Variants in DNAH7 observed in about 807,000 individuals in gnomAD.
The protein encoded by DNAH7 is dynein axonemal heavy chain 7.
In DNAH7, 397 loss-of-function variants were observed where a neutral mutation model predicts 444.6. That is an observed-to-expected ratio of 0.89 (90% CI 0.82 to 0.97). DNAH7 has a LOEUF of 0.97. Ranked by LOEUF, DNAH7 falls within the 50% of genes least tolerant of loss-of-function variation. The probability of loss-of-function intolerance (pLI) is 0.00; values close to 1 mark genes in which losing one functional copy is unlikely to be tolerated. For missense variants in DNAH7, 4,902 were observed against 4,800.8 expected (o/e 1.02, Z -0.62); for synonymous variants, 1,636 against 1,624.4 (o/e 1.01, Z -0.17).
chr2:195,937,174 A>G (rs1689112175), intron 19 of DNAH7, among the ~76,000 whole-genome samples: 2 of 152,212 alleles, frequency 1.3e-5, no homozygotes, highest in Admixed American at 6.5e-5. Flanking sequence ...AGTCATCATT[A>G]TAATTATTAT....
Position 195,960,521 on chromosome 2 carries a change from A to G in DNAH7, c.2630T>C (p.Leu877Ser), listed in dbSNP as rs753240728. The G allele has an allele frequency of 3.7e-6, 6 of 1,614,080 alleles. No homozygotes were observed. In the South Asian group the frequency reaches 4.4e-5, roughly 12 times the overall value. Residue 877 changes from leucine to serine, a missense_variant, in exon 18 of 65, where the codon TTA (leucine) becomes TCA (serine). Leu to Ser is a moderately radical substitution (Grantham distance 145). Coordinates refer to ENST00000312428, the MANE Select transcript of DNAH7 (RefSeq NM_018897.3). ...PSDDSTVSSF[L>S]DMNLEPYIDR... ...TATATATGGTTCCAGATTCATGTCT[A>G]AAAAAGAGGAGACTGTGGAGTCATC...
rs781426563 is a variant in DNAH7 at position 195,895,084 on chromosome 2, A to C, written c.4788T>G (p.Tyr1596Ter). ...AACCATGACGCACAATCATCATTTC[A>C]TATACTTGAAGAATCTTCTCGGAAA... is the stretch of plus-strand genomic sequence containing the variant. ...AFFSEKILQVYEMMIVRHGFM... is the reference protein window; with the variant it reads ...AFFSEKILQV Residue 1596 changes from tyrosine (Y) to a stop codon, truncating the protein, a stop_gained, in exon 30 of 65, where the codon TAT becomes TAG. Transcript: ENST00000312428. LOFTEE classifies it high-confidence loss of function. The C allele has an allele frequency of 3.7e-6, 6 of 1,613,520 alleles. 1 individual carries two copies. The South Asian group carries it at 6.6e-5, about 18-fold the overall frequency.
chr2:195,888,500 T>A, intron 32 of DNAH7, 66 bp from the exon 33 acceptor site: 3 of 1,461,420 alleles, frequency 2.1e-6, no homozygotes, highest in South Asian at 2.7e-5. Flanking sequence ...ATTTGGCACC[T>A]CTGTTTTTTT....
chr2:196,022,360 T>C (rs964424101), intron 8 of DNAH7, among the ~76,000 whole-genome samples: 15 of 152,218 alleles, frequency 9.9e-5, no homozygotes, highest in African/African-American at 3.6e-4. Flanking sequence ...TGCTATTCGA[T>C]AGCACTGTAC....
At chr2:195,807,692 A>G (rs137893248) in intron 53 of DNAH7, among the ~76,000 whole-genome samples, 198 of 152,298 alleles carry the variant, frequency 1.3e-3, no homozygotes, top group African/African-American at 4.7e-3. Context: ...AGAAGGGGTA[A>G]ACCTTGGTGG....
chr2:195,885,837 G>A (rs73987116), intron 34 of DNAH7, among the ~76,000 whole-genome samples: 1 of 152,070 alleles, frequency 6.6e-6, no homozygotes, highest in Non-Finnish European at 1.5e-5. Context: ...TGCCAAAATG[G>A]TCACTGACAT....
intron 34 of DNAH7, among the ~76,000 whole-genome samples, 173 bp from the exon 35 acceptor site, chr2:195,884,982 A>G (rs1701625951): frequency 6.6e-6 from 1 of 152,248 alleles, no homozygotes; most frequent in Non-Finnish European, 1.5e-5. Flanking sequence ...TAAAAATCAA[A>G]TCGCATGCTT....
At chr2:195,824,477 TTTTAAATATTGAC>T in intron 48 of DNAH7, 32 bp from the exon 49 acceptor site, 1 of 1,537,238 alleles carries the variant, frequency 6.5e-7, no homozygotes, top group Non-Finnish European at 8.8e-7. Flanking sequence ...TTTCATGTTA[TTTTAAATATTGAC>T]TATAAATATT....
intron 47 of DNAH7, 86 bp from the exon 48 acceptor site, chr2:195,834,446 T>TA: frequency 2.2e-6 from 3 of 1,377,812 alleles, no homozygotes; most frequent in Middle Eastern, 1.9e-4. Context: ...GGTCACTTTT[T>TA]AAAAGTTTGC....
chr2:195,752,504 CAG>C (rs1693849987), intron 63 of DNAH7, among the ~76,000 whole-genome samples: 1 of 152,004 alleles, frequency 6.6e-6, no homozygotes, highest in Admixed American at 6.6e-5. Context: ...ATTGAAGATT[CAG>C]AGATTTGCAT....
In DNAH7 at chr2:196,011,739, T is replaced by C. The variant is rs147113161; in HGVS notation, c.989+1048A>G. 4.6e-4 allele frequency among the ~76,000 whole-genome samples: 70 copies of C among 152,328 alleles called. 2 individuals carry two copies. The highest frequency in any genetic ancestry group is 1.7e-3 in the African/African-American group (69 of 41,588). ...ATCAGGAAGCATCAAGAGATACAGCTAATCAATCTGCATTTCTCAGCAAAA... is the reference window on the plus strand; with the variant it reads ...ATCAGGAAGCATCAAGAGATACAGCCAATCAATCTGCATTTCTCAGCAAAA... On this transcript the variant is annotated intron_variant, in intron 10 of 64. Transcript: ENST00000312428.
At chr2:195,742,092 G>C (rs1663702220) in intron 63 of DNAH7, among the ~76,000 whole-genome samples, 1 of 152,170 alleles carries the variant, frequency 6.6e-6, no homozygotes, top group African/African-American at 2.4e-5. Flanking sequence ...ATAACTGCCA[G>C]TGTATAACTC....
intron 2 of DNAH7, among the ~76,000 whole-genome samples, chr2:196,051,507 G>C (rs1216023460): frequency 4.6e-5 from 7 of 152,118 alleles, no homozygotes; most frequent in African/African-American, 1.7e-4. Flanking sequence ...AGGCGCGGTG[G>C]CTGTAATCCC....
At chr2:195,943,433 T>C (rs1483929089) in intron 19 of DNAH7, among the ~76,000 whole-genome samples, 1 of 152,146 alleles carries the variant, frequency 6.6e-6, no homozygotes, top group African/African-American at 2.4e-5. Flanking sequence ...AGTAAGTCAA[T>C]GAATGACAGT....
chr2:195,959,461 T>C (rs1690928386), intron 18 of DNAH7, among the ~76,000 whole-genome samples: 1 of 152,186 alleles, frequency 6.6e-6, no homozygotes, highest in South Asian at 2.1e-4. Context: ...CTTCTCTTAA[T>C]GTGCATGCTG....
rs59244207 is a variant in DNAH7, at chr2:195,781,976, TACACACACAC to T, written c.10879-4001_10879-3992del. ...AATGAGGGGTGAGAGGTGGGTCTTA[TACACACACAC>T]ACACACACACACACACACACACACA... On this transcript the variant is annotated intron_variant, in intron 58 of 64. Coordinates refer to ENST00000312428, the MANE Select transcript of DNAH7 (RefSeq NM_018897.3). 1.1e-3 allele frequency among the ~76,000 whole-genome samples: 140 copies of T among 129,832 alleles called. 1 individual carries two copies. The highest frequency in any genetic ancestry group is 1.3e-3 in the Non-Finnish European group (84 of 62,538). The allele number at this position is 129,832 out of a possible 152,430, so 85.2% of individuals were successfully genotyped here.
intron 48 of DNAH7, among the ~76,000 whole-genome samples, chr2:195,825,531 G>C (rs1697701165): frequency 6.6e-6 from 1 of 152,032 alleles, no homozygotes; most frequent in African/African-American, 2.4e-5. Flanking sequence ...TCAATTATTA[G>C]ATATTTGGAT....
At position 195,771,795 on chromosome 2, in the gene DNAH7, G is replaced by C; in HGVS notation, c.11298C>G (p.Ile3766Met). The C allele has an allele frequency of 6.2e-7, 1 of 1,614,110 alleles. No individual in the cohort carries two copies. The highest frequency in any genetic ancestry group is 1.1e-5 in the South Asian group (1 of 91,070). The change falls in exon 61 of 65, where the codon ATC (isoleucine) becomes ATG (methionine). Residue 3766 changes from isoleucine (I) to methionine (M), a missense_variant. Transcript: ENST00000312428. ...TTGGGTACCTCCTCATGGCAGCCTCGATGTCGAAGTTGTTTGGAAGTTTGC... is the reference window on the plus strand; with the variant it reads ...TTGGGTACCTCCTCATGGCAGCCTCCATGTCGAAGTTGTTTGGAAGTTTGC... ...ILGKLPNNFD[I>M]EAAMRRYPTT...
In DNAH7 at chr2:195,777,876, A is replaced by T. The variant is rs200544766; in HGVS notation, c.10988T>A (p.Phe3663Tyr). ...RTLRSILNKF[F>Y]NPELVENSDY... ...TGAATTTTCAACTAATTCGGGATTG[A>T]AGAATTTGTTTAGAATGCTGCGCAG... The change falls in exon 59 of 65, where the codon TTC becomes TAC. Residue 3663 changes from phenylalanine to tyrosine, a missense_variant. Phe to Tyr is a conservative substitution (Grantham distance 22). Transcript: ENST00000312428. The T allele has an allele frequency of 4.0e-4, 641 of 1,614,174 alleles. 1 individual carries two copies. The African/African-American group carries it at 7.9e-3, about 20-fold the overall frequency.
Sources: allele counts gnomAD v4.1 joint callset (sites outside exome capture counted in the v4.1 genomes callset), GRCh38; gene constraint gnomAD v4.1.1; transcripts MANE v1.5; gene names NCBI Gene and HGNC (gene_info 2026-07-23, HGNC 2026-07-21).